The following CLMP variants were observed in gnomAD, a reference collection of about 807,000 sequenced individuals.
CLMP encodes CXADR-like membrane protein.
In CLMP, 27 loss-of-function variants were observed where a neutral mutation model predicts 45.2. The ratio of observed to expected loss-of-function variants is 0.60; its 90% CI spans 0.44 to 0.82. CLMP has a LOEUF of 0.82. Ranked by LOEUF, CLMP falls within the 40% of genes least tolerant of loss-of-function variation. The pLI is 0.00. For synonymous variants in CLMP, 167 were observed against 171.4 expected, an observed-to-expected ratio of 0.97 and a Z score of 0.20; for missense variants, 403 against 448.4, an observed-to-expected ratio of 0.90 and a Z score of 0.91.
At chr11:123,175,354 A>ATCTC (rs1861684946) in intron 1 of CLMP, among the ~76,000 whole-genome samples, 1 of 152,174 alleles carries the variant, frequency 6.6e-6, no homozygotes, top group African/African-American at 2.4e-5. Flanking sequence ...AGACCAACAG[A>ATCTC]TCTCACGAGA....
chr11:123,117,411 AATTTTTT>A (rs1281617115), intron 1 of CLMP, among the ~76,000 whole-genome samples: 1 of 151,778 alleles, frequency 6.6e-6, no homozygotes, highest in Non-Finnish European at 1.5e-5. Flanking sequence ...TTTTTTAAAA[AATTTTTT>A]ATTTTTTATT....
intron 1 of CLMP, among the ~76,000 whole-genome samples, chr11:123,129,556 A>C (rs1011274918): frequency 1.4e-5 from 2 of 139,780 alleles, no homozygotes; most frequent in African/African-American, 5.2e-5. Flanking sequence ...AAATAATTGA[A>C]TATATTATAT....
In CLMP at chr11:123,073,374, C is replaced by A; in HGVS notation, c.*100G>T. Reference sequence around the variant, plus strand: ...CAATGCTCACTGCTACTTAGATGACCTCTCATCTGGTTGTGTGGCTGGTGA... The same window carrying A: ...CAATGCTCACTGCTACTTAGATGACATCTCATCTGGTTGTGTGGCTGGTGA... On this transcript the variant is annotated 3_prime_UTR_variant, in exon 7 of 7. Transcript: ENST00000448775. 7.8e-7 allele frequency: 1 copy of A among 1,286,502 alleles called. No homozygotes were observed. Among genetic ancestry groups the A allele is most frequent in the South Asian group, 1.4e-5 (1 of 69,590 alleles). The allele number at this position is 1,286,502 out of a possible 1,614,324, so 79.7% of individuals were successfully genotyped here.
chr11:123,086,518 CA>C (rs2135471428), intron 2 of CLMP, among the ~76,000 whole-genome samples: 1 of 152,346 alleles, frequency 6.6e-6, no homozygotes, highest in East Asian at 1.9e-4. Context: ...TGTTGCTCCA[CA>C]GCTCTTCAGA....
intron 1 of CLMP, among the ~76,000 whole-genome samples, chr11:123,153,164 G>T (rs1057303385): frequency 6.6e-6 from 1 of 152,106 alleles, no homozygotes; most frequent in Non-Finnish European, 1.5e-5. Context: ...AAGGTTTCCG[G>T]GTCTGTGTTG....
chr11:123,171,456 T>TTTTA (rs1447006236), intron 1 of CLMP, among the ~76,000 whole-genome samples: 1 of 151,026 alleles, frequency 6.6e-6, no homozygotes, highest in Non-Finnish European at 1.5e-5. Flanking sequence ...TCTTTTTTTT[T>TTTTA]TTTTTGAGAC....
chr11:123,194,986 C>T lies in CLMP; in HGVS notation c.-46G>A, dbSNP rs1861961231. The T allele has an allele frequency of 1.3e-6, 2 of 1,592,838 alleles. No individual in the cohort carries two copies. Among genetic ancestry groups the T allele is most frequent in the Non-Finnish European group, 1.7e-6 (2 of 1,170,284 alleles). The stretch of plus-strand genomic sequence containing the variant: ...GCTTCCCCGCTCAGCTGCTGCTTGG[C>T]TCCGGGGCGGCCGGGCGCCTCCGAC... On this transcript the variant is annotated 5_prime_UTR_variant, in exon 1 of 7. Coordinates refer to ENST00000448775, the MANE Select transcript of CLMP (RefSeq NM_024769.5).
chr11:123,077,935 C>A (rs569840908), intron 5 of CLMP, among the ~76,000 whole-genome samples: 1 of 152,000 alleles, frequency 6.6e-6, no homozygotes, highest in African/African-American at 2.4e-5. Context: ...GGTAAGACCC[C>A]GTCTCTACTA....
At chr11:123,080,893 C>T (rs1865796626) in intron 5 of CLMP, among the ~76,000 whole-genome samples, 1 of 152,064 alleles carries the variant, frequency 6.6e-6, no homozygotes, top group Non-Finnish European at 1.5e-5. Context: ...ACCTGTGATC[C>T]CAGCACTTTG....
At chr11:123,185,538 G>C (rs1388169747) in intron 1 of CLMP, among the ~76,000 whole-genome samples, 1 of 152,212 alleles carries the variant, frequency 6.6e-6, no homozygotes, top group East Asian at 1.9e-4. Context: ...GCTGCGGAGA[G>C]GTGGCCTCGT....
At chr11:123,150,495 G>A (rs1430488747) in intron 1 of CLMP, among the ~76,000 whole-genome samples, 39 of 117,054 alleles carry the variant, frequency 3.3e-4, no homozygotes, top group African/African-American at 9.8e-4. Context: ...AAGGAAGGAA[G>A]GAAGGAAGGA....
In CLMP at chr11:123,092,946, C is replaced by T. The variant is rs377180062; in HGVS notation, c.186+4849G>A. Among the ~76,000 whole-genome samples, 14 of 140,714 alleles carry T rather than the reference C, an allele frequency of 9.9e-5. No homozygotes were observed. The East Asian group carries it at 2.7e-3, about 28-fold the overall frequency. The allele number at this position is 140,714 out of a possible 152,430, so 92.3% of individuals were successfully genotyped here. On this transcript the variant is annotated intron_variant, in intron 2 of 6. Coordinates refer to ENST00000448775, the MANE Select transcript of CLMP (RefSeq NM_024769.5). ...TTTTTGAGATGTTGTCTCATGCTGT[C>T]GCCCAGGCTGGAGTGCAGCGGTATG...
At chr11:123,080,546 C>T (rs1865792803) in intron 5 of CLMP, among the ~76,000 whole-genome samples, 1 of 152,040 alleles carries the variant, frequency 6.6e-6, no homozygotes, top group Non-Finnish European at 1.5e-5. Context: ...AGGCTGGTCT[C>T]GAACTCCCAA....
At chr11:123,085,783 G>GT (rs1167812909) in intron 2 of CLMP, among the ~76,000 whole-genome samples, 128 of 108,668 alleles carry the variant, frequency 1.2e-3, no homozygotes, top group South Asian at 3.7e-3. Flanking sequence ...TTTTTTTTTT[G>GT]TTTTTTTTTT....
At position 123,073,617 on chromosome 11, in the gene CLMP, C is replaced by T; in HGVS notation, c.979G>A (p.Gly327Arg). ...TLSTDAAPQP[G>R]LATQAYSLVG... is the part of the protein sequence containing the mutation. The stretch of plus-strand genomic sequence containing the variant: ...AGGCTGTATGCCTGGGTGGCCAGCC[C>T]TGGCTGGGGTGCTGCGTCAGTTGAC... Residue 327 changes from glycine to arginine, a missense_variant, in exon 7 of 7, where the codon GGG (glycine) becomes AGG (arginine). Physicochemically the swap from Gly to Arg is moderately radical, Grantham distance 125. Coordinates refer to ENST00000448775, the MANE Select transcript of CLMP (RefSeq NM_024769.5). 1 of 1,614,236 alleles carries T rather than the reference C, an allele frequency of 6.2e-7. No individual in the cohort carries two copies. The highest frequency in any genetic ancestry group is 8.5e-7 in the Non-Finnish European group (1 of 1,180,042).
At chr11:123,179,230 T>C (rs981905716) in intron 1 of CLMP, among the ~76,000 whole-genome samples, 1 of 152,236 alleles carries the variant, frequency 6.6e-6, no homozygotes, top group Admixed American at 6.5e-5. Flanking sequence ...AAGTCCTTTC[T>C]CATGGAAGGA....
chr11:123,178,519 T>C, intron 1 of CLMP, among the ~76,000 whole-genome samples: 1 of 152,224 alleles, frequency 6.6e-6, no homozygotes, highest in Non-Finnish European at 1.5e-5. Context: ...GTTTCAGCAG[T>C]TTGCTCATCT....
chr11:123,084,600 A>T lies in CLMP; in HGVS notation c.300T>A (p.Pro100=). The T allele has an allele frequency of 6.2e-7, 1 of 1,614,236 alleles. No individual in the cohort carries two copies. Among genetic ancestry groups the T allele is most frequent in the Non-Finnish European group, 8.5e-7 (1 of 1,180,032 alleles). The change falls in exon 3 of 7, where the codon CCT becomes CCA. Residue 100 remains proline (P), a synonymous_variant. Coordinates refer to ENST00000448775, the MANE Select transcript of CLMP (RefSeq NM_024769.5). ...LAGDASLQIE[P]LKPSDEGRYT... ...ACCGGCCCTCATCACTGGGCTTCAG[A>T]GGTTCAATCTGCAAGGAGGCATCTC...
intron 1 of CLMP, among the ~76,000 whole-genome samples, chr11:123,131,194 T>C (rs1860982842): frequency 6.6e-6 from 1 of 152,186 alleles, no homozygotes; most frequent in Non-Finnish European, 1.5e-5. Flanking sequence ...GGTGATCATT[T>C]TTCTTTCCCC....
Sources: allele counts gnomAD v4.1 joint callset (sites outside exome capture counted in the v4.1 genomes callset), GRCh38; gene constraint gnomAD v4.1.1; transcripts MANE v1.5; gene names NCBI Gene and HGNC (gene_info 2026-07-23, HGNC 2026-07-21).